The following TTLL7 variants were observed in gnomAD, a reference collection of about 807,000 sequenced individuals.
TTLL7 encodes the protein tubulin tyrosine ligase like 7.
A neutral mutation model predicts 120.2 loss-of-function variants in TTLL7; 53 were observed. The ratio of observed to expected loss-of-function variants is 0.44; its 90% CI spans 0.35 to 0.55. The LOEUF is 0.55. TTLL7 is among the 20% of genes least tolerant of loss of function. The pLI, the probability that TTLL7 is intolerant of heterozygous loss-of-function variation, is 0.00. For synonymous variants in TTLL7, 353 were observed against 351.7 expected (o/e 1.00, Z -0.04); for missense variants, 803 against 1,054.7 (o/e 0.76, Z 3.31).
chr1:83,943,967 G>A (rs1401668826), intron 6 of TTLL7, among the ~76,000 whole-genome samples: 2 of 151,956 alleles, frequency 1.3e-5, no homozygotes, highest in East Asian at 3.9e-4. Flanking sequence ...AAAAAATAAA[G>A]GAACCAAACA....
chr1:83,907,839 C>G (rs932342411), intron 15 of TTLL7, among the ~76,000 whole-genome samples, 178 bp from the exon 16 acceptor site: 5 of 152,086 alleles, frequency 3.3e-5, no homozygotes, highest in Non-Finnish European at 5.9e-5. Flanking sequence ...CAACAGTGAA[C>G]TTGTTGCAGA....
rs901770600 is a variant in TTLL7, at chr1:83,976,047, G to C, written c.-177+22884C>G. 4.0e-3 allele frequency among the ~76,000 whole-genome samples: 603 copies of C among 150,066 alleles called. 5 individuals are homozygous for C. Among genetic ancestry groups the C allele is most frequent in the African/African-American group, 0.011 (435 of 40,460 alleles). ...TTTGTCTCTCTCTGTGTGTGTGTGT[G>C]TGTGTGTGTGTGTGTGTGTGTGTGT... On this transcript the variant is annotated intron_variant, in intron 1 of 20. Transcript: ENST00000260505.
chr1:83,876,065 T>C (rs1008463141), intron 20 of TTLL7, among the ~76,000 whole-genome samples: 1 of 151,892 alleles, frequency 6.6e-6, no homozygotes, highest in African/African-American at 2.4e-5. Flanking sequence ...CACATCTACA[T>C]ACTAATTTCA....
chr1:83,991,074 T>C (rs1430100406), intron 1 of TTLL7, among the ~76,000 whole-genome samples: 1 of 152,216 alleles, frequency 6.6e-6, no homozygotes, highest in Non-Finnish European at 1.5e-5. Context: ...GACATTATAT[T>C]AAGTGAAATA....
At chr1:83,943,757 A>G (rs1648211681) in intron 6 of TTLL7, among the ~76,000 whole-genome samples, 2 of 152,224 alleles carry the variant, frequency 1.3e-5, no homozygotes, top group South Asian at 4.1e-4. Flanking sequence ...GCAAAGGAAA[A>G]AGAAAGTATA....
At chr1:83,880,324 A>C (rs1654330375) in intron 20 of TTLL7, 1 of 152,034 alleles carries the variant, frequency 6.6e-6, no homozygotes, top group Non-Finnish European at 1.5e-5. Flanking sequence ...AAGAGGTTAA[A>C]TGTCTTGCAA....
intron 9 of TTLL7, among the ~76,000 whole-genome samples, chr1:83,931,701 T>C (rs1659612946): frequency 2.0e-5 from 3 of 152,154 alleles, no homozygotes; most frequent in Admixed American, 1.3e-4. Context: ...ATTGGTGGTA[T>C]CTTCATACTC....
chr1:83,970,391 T>C (rs1391740818), intron 1 of TTLL7, among the ~76,000 whole-genome samples: 1 of 152,050 alleles, frequency 6.6e-6, no homozygotes, highest in Non-Finnish European at 1.5e-5. Flanking sequence ...CACACCCAAA[T>C]GAGAGAAAAT....
At chr1:83,975,125 T>C (rs868712026) in intron 1 of TTLL7, among the ~76,000 whole-genome samples, 2 of 152,256 alleles carry the variant, frequency 1.3e-5, no homozygotes, top group Middle Eastern at 6.8e-3. Context: ...TTGATATTTA[T>C]TCAAGGGAAC....
chr1:83,966,144 T>C (rs187686045), intron 1 of TTLL7, among the ~76,000 whole-genome samples: 1 of 152,016 alleles, frequency 6.6e-6, no homozygotes. Flanking sequence ...TGACTCTCCA[T>C]AAATAATGTG....
In TTLL7 at chr1:83,869,804, A is replaced by T; in HGVS notation, c.*158T>A. 2.0e-6 allele frequency: 1 copy of T among 512,332 alleles called. No individual in the cohort carries two copies. The highest frequency in any genetic ancestry group is 3.1e-6 in the Non-Finnish European group (1 of 322,646). 31.7% of individuals were successfully genotyped at this position (512,332 alleles called of 1,614,324 possible). On this transcript the variant is annotated 3_prime_UTR_variant, in exon 21 of 21. Coordinates refer to ENST00000260505, the MANE Select transcript of TTLL7 (RefSeq NM_024686.6). ...TCATATATCATTTAATATAATAAAT[A>T]TATGTTATTAGGGTGCATATGTGCA...
In TTLL7 at chr1:83,907,648, A is replaced by AC; in HGVS notation, c.1799dup (p.Ser601PhefsTer55). 6.2e-7 allele frequency: 1 copy of AC among 1,612,752 alleles called. No individual in the cohort carries two copies. The highest frequency in any genetic ancestry group is 8.5e-7 in the Non-Finnish European group (1 of 1,179,324). On this transcript the variant is annotated frameshift_variant, in exon 16 of 21. Coordinates refer to ENST00000260505, the MANE Select transcript of TTLL7 (RefSeq NM_024686.6). LOFTEE classifies it high-confidence loss of function. ...AGATGGACCGAGGGCAGCTGACTGA[A>AC]CGTCTTATGGAGCCTATCAGTGATG...
intron 3 of TTLL7, among the ~76,000 whole-genome samples, chr1:83,950,531 C>T (rs1035235067): frequency 6.6e-6 from 1 of 152,160 alleles, no homozygotes; most frequent in Admixed American, 6.5e-5. Flanking sequence ...CTGCTCCCAA[C>T]CCTCTAATCC....
intron 4 of TTLL7, 79 bp downstream of exon 4, chr1:83,949,786 T>G: frequency 1.3e-6 from 2 of 1,514,320 alleles, no homozygotes. Flanking sequence ...GGCAACATAT[T>G]AAGAACCTAT....
chr1:83,883,034 T>G lies in TTLL7; in HGVS notation c.2472A>C (p.Leu824=), dbSNP rs1426042033. The change falls in exon 20 of 21, where the codon CTA becomes CTC. Residue 824 remains leucine (L), a synonymous_variant. Coordinates refer to ENST00000260505, the MANE Select transcript of TTLL7 (RefSeq NM_024686.6). ...TGTCAGTTGCATATTTGTAAACCAC[T>G]AGCAGGCACTGTTTACAAAGCTCCA... ...RLVELCKQCL[L]VVYKYATDKR... is the part of the protein sequence containing the mutation. The G allele has an allele frequency of 2.1e-5, 34 of 1,612,662 alleles. No individual in the cohort carries two copies. The highest frequency in any genetic ancestry group is 2.9e-5 in the Non-Finnish European group (34 of 1,179,216).
At chr1:83,973,207 G>A (rs1024240020) in intron 1 of TTLL7, among the ~76,000 whole-genome samples, 1 of 151,900 alleles carries the variant, frequency 6.6e-6, no homozygotes, top group African/African-American at 2.4e-5. Context: ...CTTTTGCATT[G>A]TACATTTAGC....
chr1:83,944,219 GA>G (rs963898797), intron 6 of TTLL7, among the ~76,000 whole-genome samples: 1 of 151,308 alleles, frequency 6.6e-6, no homozygotes, highest in Admixed American at 6.6e-5. Flanking sequence ...AGAAGACAAA[GA>G]AAAAAAATCC....
Position 83,952,293 on chromosome 1 carries a change from T to C in TTLL7, c.-82A>G, listed in dbSNP as rs982210561. 6 of 1,458,346 alleles carry C rather than the reference T, an allele frequency of 4.1e-6. No individual in the cohort carries two copies. Among genetic ancestry groups the C allele is most frequent in the East Asian group, 2.3e-5 (1 of 43,588 alleles). 90.3% of individuals were successfully genotyped at this position (1,458,346 alleles called of 1,614,324 possible). On this transcript the variant is annotated 5_prime_UTR_variant, in exon 2 of 21. Coordinates refer to ENST00000260505, the MANE Select transcript of TTLL7 (RefSeq NM_024686.6). ...TCTGGAAATTCCACATTAGTCTAAGTAGGATATGGCCCCAAATCACTGAAA... is the reference window on the plus strand; with the variant it reads ...TCTGGAAATTCCACATTAGTCTAAGCAGGATATGGCCCCAAATCACTGAAA...
chr1:83,866,244 T>C lies in TTLL7; in HGVS notation c.*3718A>G, dbSNP rs1215772373. 2 of 151,886 alleles carry C rather than the reference T, an allele frequency of 1.3e-5. No homozygotes were observed. Among genetic ancestry groups the C allele is most frequent in the Non-Finnish European group, 3.0e-5 (2 of 67,772 alleles). 9.4% of individuals were successfully genotyped at this position (151,886 alleles called of 1,614,324 possible). On this transcript the variant is annotated 3_prime_UTR_variant, in exon 21 of 21. Coordinates refer to ENST00000260505, the MANE Select transcript of TTLL7 (RefSeq NM_024686.6). ...TTAGAAAATCAAATAATGGCATTTC[T>C]GCAGCTATCAATTTTTTGATACTTT...
Sources: allele counts gnomAD v4.1 joint callset (sites outside exome capture counted in the v4.1 genomes callset), GRCh38; gene constraint gnomAD v4.1.1; transcripts MANE v1.5; gene names NCBI Gene and HGNC (gene_info 2026-07-23, HGNC 2026-07-21).